Variants in MAD1L1 observed in about 807,000 individuals in gnomAD.
The protein encoded by MAD1L1 is mitotic arrest deficient 1 like 1.
Under a neutral mutation model 96.9 loss-of-function variants are expected in MAD1L1, and 95 were observed. The observed-to-expected ratio is 0.98, with a 90% CI of 0.83 to 1.16. The LOEUF is 1.16. Among genes scored for constraint, MAD1L1 ranks in the 50% most tolerant of loss-of-function variants. The pLI is 0.00. For missense variants in MAD1L1, 1,007 were observed against 954.4 expected (o/e 1.06, Z -0.73); for synonymous variants, 473 against 396.6 (o/e 1.19, Z -2.29).
chr7:2,112,992 G>A (rs1167400020), intron 11 of MAD1L1, among the ~76,000 whole-genome samples: 1 of 152,230 alleles, frequency 6.6e-6, no homozygotes, highest in African/African-American at 2.4e-5. Flanking sequence ...CTGGGTCACG[G>A]CCGTGAAGTA....
At chr7:1,909,977 G>C (rs769992559) in intron 17 of MAD1L1, among the ~76,000 whole-genome samples, 2 of 152,190 alleles carry the variant, frequency 1.3e-5, no homozygotes, top group Non-Finnish European at 2.9e-5. Flanking sequence ...TTCAAACAGG[G>C]CACCTCTTGT....
rs577657683 is a variant in MAD1L1, at chr7:1,873,460, G to T, written c.1998+24740C>A. Among the ~76,000 whole-genome samples the T allele has an allele frequency of 2.0e-5, 3 of 152,174 alleles. No individual in the cohort carries two copies. In the East Asian group the frequency reaches 5.8e-4, roughly 30 times the overall value. Reference sequence around the variant, plus strand: ...ATGCGAGGGGCGGTGGGGAGGGGCAGGTGGGGAGCCCTGGTGGAGAGCTAG... The same window carrying T: ...ATGCGAGGGGCGGTGGGGAGGGGCATGTGGGGAGCCCTGGTGGAGAGCTAG... On this transcript the variant is annotated intron_variant, in intron 18 of 18. Coordinates refer to ENST00000265854, the MANE Select transcript of MAD1L1 (RefSeq NM_001013836.2).
chr7:2,151,327 G>C (rs1408198198), intron 10 of MAD1L1, among the ~76,000 whole-genome samples: 1 of 152,232 alleles, frequency 6.6e-6, no homozygotes, highest in Non-Finnish European at 1.5e-5. Context: ...AGCGGCAGGT[G>C]GGGTGGTCAC....
At chr7:2,150,068 G>T (rs1042378114) in intron 10 of MAD1L1, among the ~76,000 whole-genome samples, 1 of 152,158 alleles carries the variant, frequency 6.6e-6, no homozygotes, top group Non-Finnish European at 1.5e-5. Flanking sequence ...GAAAGCAGGC[G>T]CTGGCAATGC....
intron 10 of MAD1L1, among the ~76,000 whole-genome samples, chr7:2,197,075 G>C (rs1311336421): frequency 6.6e-6 from 1 of 152,210 alleles, no homozygotes; most frequent in Non-Finnish European, 1.5e-5. Context: ...CCTGCAGGAC[G>C]CGGTCCAAAC....
Position 1,858,008 on chromosome 7 carries a change from T to A in MAD1L1, c.1998+40192A>T, listed in dbSNP as rs147894854. Among the ~76,000 whole-genome samples, 4 of 152,338 alleles carry A rather than the reference T, an allele frequency of 2.6e-5. No individual in the cohort carries two copies. In the East Asian group the frequency reaches 7.7e-4, roughly 29 times the overall value. On this transcript the variant is annotated intron_variant, in intron 18 of 18. Transcript: ENST00000265854. ...CAACCGCTGTCCACAGAGCCCGAAC[T>A]TTCCTCCCTGCCTGTATTAATTATG... is the stretch of plus-strand genomic sequence containing the variant.
chr7:2,210,300 G>C (rs957693805), intron 10 of MAD1L1, among the ~76,000 whole-genome samples: 2 of 152,096 alleles, frequency 1.3e-5, no homozygotes, highest in Admixed American at 6.5e-5. Flanking sequence ...CAAACATCTA[G>C]GCTCGAGCAA....
intron 18 of MAD1L1, among the ~76,000 whole-genome samples, chr7:1,895,030 A>T (rs115702883): frequency 0.018 from 2,756 of 152,246 alleles, 75 homozygotes; most frequent in African/African-American, 0.062. Context: ...ACAAGGTGGC[A>T]CGTGTCCTAG....
chr7:2,021,379 A>G (rs971296632), intron 12 of MAD1L1, among the ~76,000 whole-genome samples: 2 of 152,162 alleles, frequency 1.3e-5, no homozygotes, highest in Admixed American at 1.3e-4. Context: ...GGCAGCAGAG[A>G]GGGGAGGGAG....
At chr7:1,826,543 G>A (rs1402779490) in intron 18 of MAD1L1, among the ~76,000 whole-genome samples, 1 of 152,186 alleles carries the variant, frequency 6.6e-6, no homozygotes, top group African/African-American at 2.4e-5. Flanking sequence ...ACCCTGCTGT[G>A]TGCACGACCC....
intron 10 of MAD1L1, among the ~76,000 whole-genome samples, chr7:2,153,856 G>A (rs771673715): frequency 5.3e-5 from 8 of 152,214 alleles, no homozygotes; most frequent in African/African-American, 9.6e-5. Flanking sequence ...CTATCCGGCC[G>A]TAAGAAAGAA....
At chr7:1,863,168 C>A (rs185934135) in intron 18 of MAD1L1, among the ~76,000 whole-genome samples, 1 of 152,242 alleles carries the variant, frequency 6.6e-6, no homozygotes, top group Non-Finnish European at 1.5e-5. Context: ...ACGAGGAGGC[C>A]GCCTCAGCAC....
chr7:1,990,578 G>A (rs867605663), intron 14 of MAD1L1, among the ~76,000 whole-genome samples: 73 of 152,274 alleles, frequency 4.8e-4, no homozygotes, highest in African/African-American at 1.7e-3. Flanking sequence ...AGCCCAGCCG[G>A]AGGGCATGTC....
chr7:2,000,193 C>G (rs769916112), intron 14 of MAD1L1, among the ~76,000 whole-genome samples: 10 of 152,254 alleles, frequency 6.6e-5, no homozygotes, highest in Non-Finnish European at 1.5e-4. Context: ...GGCGGAATGC[C>G]GAAGCCGTCC....
At chr7:1,846,192 G>GC (rs970658747) in intron 18 of MAD1L1, 4 of 152,594 alleles carry the variant, frequency 2.6e-5, no homozygotes, top group African/African-American at 9.6e-5. Flanking sequence ...TCCCCCTGCT[G>GC]CCCTTCCCGC....
intron 12 of MAD1L1, among the ~76,000 whole-genome samples, chr7:2,055,635 A>C (rs1224188930): frequency 1.4e-5 from 2 of 146,654 alleles, no homozygotes; most frequent in Admixed American, 1.4e-4. Context: ...ACACTACTGT[A>C]CTCCAGCCTG....
intron 11 of MAD1L1, among the ~76,000 whole-genome samples, chr7:2,094,204 G>A (rs1786358357): frequency 6.6e-6 from 1 of 152,202 alleles, no homozygotes; most frequent in Non-Finnish European, 1.5e-5. Context: ...GGCTGAGCAG[G>A]GACCCACCCA....
chr7:1,898,963 C>T (rs927008600), intron 17 of MAD1L1, among the ~76,000 whole-genome samples: 20 of 152,244 alleles, frequency 1.3e-4, no homozygotes, highest in Admixed American at 2.6e-4. Context: ...GGAGCCAGCA[C>T]CGACAAACAG....
At chr7:1,874,850 G>A (rs1785297607) in intron 18 of MAD1L1, among the ~76,000 whole-genome samples, 1 of 152,098 alleles carries the variant, frequency 6.6e-6, no homozygotes. Flanking sequence ...AAGGCAGGGA[G>A]AGAACACAGA....
Sources: gnomAD v4.1 joint callset for allele counts (sites outside exome capture counted in the v4.1 genomes callset) on GRCh38, gnomAD v4.1.1 for gene constraint, MANE v1.5 for transcripts, NCBI Gene and HGNC (gene_info 2026-07-23, HGNC 2026-07-21) for gene names.